NLRP14: variants seen among roughly 807,000 people sequenced by gnomAD.
The protein encoded by NLRP14 is NACHT, LRR and PYD domains-containing protein 14.
Under a neutral mutation model 94.7 loss-of-function variants are expected in NLRP14, and 105 were observed. That is an observed-to-expected ratio of 1.11 (90% CI 0.95 to 1.30). The LOEUF is 1.30. Ranked by LOEUF, NLRP14 falls within the 50% of genes most tolerant of loss-of-function variation. NLRP14 has a pLI of 0.00. For synonymous variants in NLRP14, 508 were observed against 459.9 expected (o/e 1.10, Z -1.34); for missense variants, 1,362 against 1,254.1 (o/e 1.09, Z -1.30).
the NLRP14 span, among the ~76,000 whole-genome samples, chr11:7,081,906 T>A: frequency 6.6e-6 from 1 of 151,948 alleles, no homozygotes; most frequent in Non-Finnish European, 1.5e-5. Flanking sequence ...GGGTGGGAGG[T>A]AGGGCTAAAT....
intron 3 of NLRP14, among the ~76,000 whole-genome samples, chr11:7,040,833 C>G (rs2119607585): frequency 6.6e-6 from 1 of 152,146 alleles, no homozygotes; most frequent in Non-Finnish European, 1.5e-5. Flanking sequence ...ATTTCTGATT[C>G]AATATAAAGA....
chr11:7,067,685 A>G lies in NLRP14; in HGVS notation c.2976-2601A>G, dbSNP rs1053757904. Among the ~76,000 whole-genome samples, 8 of 152,288 alleles carry G rather than the reference A, an allele frequency of 5.3e-5. No individual in the cohort carries two copies. In the East Asian group the frequency reaches 1.2e-3, roughly 22 times the overall value. ...CAACTTGGACATATCTCCTGTGTAC[A>G]TTGTGTAATTTACTTTGTTAATGTT... On this transcript the variant is annotated intron_variant, in intron 10 of 11. Transcript: ENST00000299481.
At chr11:7,067,845 T>A (rs1219805957) in intron 10 of NLRP14, among the ~76,000 whole-genome samples, 1 of 152,172 alleles carries the variant, frequency 6.6e-6, no homozygotes, top group Non-Finnish European at 1.5e-5. Flanking sequence ...TCTTTTAGTT[T>A]CCTGAGAAGA....
chr11:7,030,771 A>G (rs1042191753), intron 1 of NLRP14, among the ~76,000 whole-genome samples: 7 of 152,200 alleles, frequency 4.6e-5, no homozygotes, highest in Non-Finnish European at 1.0e-4. Context: ...GACACTGCTT[A>G]TTGGGAGTCA....
Position 7,043,662 on chromosome 11 carries a change from A to T in NLRP14, c.1636A>T (p.Arg546Trp). Residue 546 changes from arginine to tryptophan, a missense_variant, in exon 4 of 12, where the codon AGG becomes TGG. Physicochemically the swap from Arg to Trp is moderately radical, Grantham distance 101. Transcript: ENST00000299481. The part of the protein sequence containing the change: ...LNEDRVKQLE[R>W]TFNCKMSLKI... Reference sequence around the variant, plus strand: ...TGAAGATCGAGTAAAACAACTGGAGAGGACTTTTAACTGTAAAATGTCACT... The same window carrying T: ...TGAAGATCGAGTAAAACAACTGGAGTGGACTTTTAACTGTAAAATGTCACT... 6.2e-7 allele frequency: 1 copy of T among 1,614,022 alleles called. No homozygotes were observed. The highest frequency in any genetic ancestry group is 8.5e-7 in the Non-Finnish European group (1 of 1,179,890).
At chr11:7,034,570 A>G (rs1269195587) in intron 1 of NLRP14, among the ~76,000 whole-genome samples, 2 of 152,322 alleles carry the variant, frequency 1.3e-5, no homozygotes, top group African/African-American at 2.4e-5. Flanking sequence ...TTTATTTGCC[A>G]TATTCCCTGT....
chr11:7,057,161 T>G (rs1295293479), intron 6 of NLRP14, among the ~76,000 whole-genome samples: 2 of 152,060 alleles, frequency 1.3e-5, no homozygotes, highest in Non-Finnish European at 1.5e-5. Flanking sequence ...TTCTCTTCCT[T>G]TTAATCTTTA....
Position 7,042,451 on chromosome 11 carries a change from C to T in NLRP14, c.425C>T (p.Ser142Phe). ...TTTTGCATCACTTGGGACAAGAAGT[C>T]TTTGGCTGGAAAGCCTGAAGATTTC... ...EKFCITWDKKSLAGKPEDFHH... is the reference protein window; with the variant it reads ...EKFCITWDKKFLAGKPEDFHH... The change falls in exon 4 of 12, where the codon TCT becomes TTT. Residue 142 changes from serine to phenylalanine, a missense_variant. Coordinates refer to ENST00000299481, the MANE Select transcript of NLRP14 (RefSeq NM_176822.4). 1 of 1,613,906 alleles carries T rather than the reference C, an allele frequency of 6.2e-7. No individual in the cohort carries two copies. The highest frequency in any genetic ancestry group is 8.5e-7 in the Non-Finnish European group (1 of 1,179,754).
intron 10 of NLRP14, 51 bp from the exon 11 acceptor site, chr11:7,070,235 G>C: frequency 7.4e-7 from 1 of 1,344,306 alleles, no homozygotes. Context: ...TGTGGGCTTT[G>C]TTGTGTCATC....
chr11:7,087,821 T>C, the NLRP14 span, among the ~76,000 whole-genome samples: 7 of 152,056 alleles, frequency 4.6e-5, no homozygotes, highest in African/African-American at 1.4e-4. Flanking sequence ...TAGGAAGAAA[T>C]TGCAAAAGTA....
chr11:7,037,358 C>T (rs1414981748), intron 1 of NLRP14, among the ~76,000 whole-genome samples: 1 of 152,180 alleles, frequency 6.6e-6, no homozygotes, highest in East Asian at 1.9e-4. Flanking sequence ...AATTCACCTT[C>T]TGTTTAAAAG....
chr11:7,034,055 C>G (rs10734613), intron 1 of NLRP14, among the ~76,000 whole-genome samples: 93,974 of 152,058 alleles, frequency 0.62, 30,204 homozygotes, highest in East Asian at 0.86. Flanking sequence ...CCATACTGCT[C>G]TCTTTGGAAA....
chr11:7,029,939 G>A (rs1046421584), intron 1 of NLRP14, among the ~76,000 whole-genome samples: 1 of 152,166 alleles, frequency 6.6e-6, no homozygotes, highest in Admixed American at 6.5e-5. Flanking sequence ...GTTGCCTAGA[G>A]TGTACATTTT....
In NLRP14 at chr11:7,062,508, G is replaced by A. The variant is rs753593006; in HGVS notation, c.2975+5G>A. Reference sequence around the variant, plus strand: ...CTGTAACATTCAGAGGCTCGGGTGAGTTCATAGTTTTCCATTAGGAAAATG... The same window carrying A: ...CTGTAACATTCAGAGGCTCGGGTGAATTCATAGTTTTCCATTAGGAAAATG... On this transcript the variant is annotated splice_donor_5th_base_variant and intron_variant, in intron 10 of 11. Transcript: ENST00000299481. 1.9e-5 allele frequency: 31 copies of A among 1,612,146 alleles called. No individual in the cohort carries two copies. Among genetic ancestry groups the A allele is most frequent in the Admixed American group, 3.3e-5 (2 of 59,902 alleles).
intron 6 of NLRP14, 146 bp from the exon 7 acceptor site, chr11:7,057,531 A>G: frequency 1.4e-6 from 1 of 732,564 alleles, no homozygotes; most frequent in Non-Finnish European, 2.4e-6. Flanking sequence ...GCTTTAGTTA[A>G]ATAACTTTTT....
At chr11:7,090,248 A>T in the NLRP14 span, 2 of 1,609,534 alleles carry the variant, frequency 1.2e-6, no homozygotes, top group South Asian at 2.2e-5. Flanking sequence ...CCAGGGGCGG[A>T]GGCCGTCTAG....
the NLRP14 span, among the ~76,000 whole-genome samples, chr11:7,080,887 GTA>G: frequency 6.6e-6 from 1 of 152,172 alleles, no homozygotes; most frequent in African/African-American, 2.4e-5. Flanking sequence ...CAGACTAAAA[GTA>G]TATATTGGTT....
chr11:7,053,362 T>C (rs1220476411), intron 6 of NLRP14, among the ~76,000 whole-genome samples: 1 of 151,562 alleles, frequency 6.6e-6, no homozygotes, highest in Non-Finnish European at 1.5e-5. Flanking sequence ...ACCCAGATAG[T>C]ACAAAATATT....
chr11:7,062,486 T>C lies in NLRP14; in HGVS notation c.2958T>C (p.Cys986=). ...ILCDALRYPN[C]NIQRLGLEYC... Reference sequence around the variant, plus strand: ...GTGATGCTTTGAGATATCCAAACTGTAACATTCAGAGGCTCGGGTGAGTTC... The same window carrying C: ...GTGATGCTTTGAGATATCCAAACTGCAACATTCAGAGGCTCGGGTGAGTTC... Residue 986 remains cysteine (C), a synonymous_variant, in exon 10 of 12, where the codon TGT becomes TGC. Transcript: ENST00000299481. 1.2e-6 allele frequency: 2 copies of C among 1,613,038 alleles called. No individual in the cohort carries two copies. Among genetic ancestry groups the C allele is most frequent in the South Asian group, 1.1e-5 (1 of 91,066 alleles).
Sources: gnomAD v4.1 joint callset for allele counts (sites outside exome capture counted in the v4.1 genomes callset) on GRCh38, gnomAD v4.1.1 for gene constraint, MANE v1.5 for transcripts, NCBI Gene and HGNC (gene_info 2026-07-23, HGNC 2026-07-21) for gene names.